Variants in CREB3L1 observed in about 807,000 individuals in gnomAD.
CREB3L1 encodes cAMP responsive element binding protein 3 like 1.
Under a neutral mutation model 54.5 loss-of-function variants are expected in CREB3L1, and 33 were observed. That is an observed-to-expected ratio of 0.61 (90% CI 0.46 to 0.81). The LOEUF (loss-of-function observed/expected upper bound fraction) is 0.81. CREB3L1 is among the 30% of genes least tolerant of loss of function. The pLI, the probability that CREB3L1 is intolerant of heterozygous loss-of-function variation, is 0.00. For synonymous variants in CREB3L1, 284 were observed against 286.4 expected (o/e 0.99, Z 0.08); for missense variants, 656 against 673.3 (o/e 0.97, Z 0.29).
chr11:46,311,842 T>C (rs1489987080), intron 5 of CREB3L1, among the ~76,000 whole-genome samples: 1 of 152,172 alleles, frequency 6.6e-6, no homozygotes, highest in South Asian at 2.1e-4. Flanking sequence ...CAGGAGACTA[T>C]TGCAGAGCCA....
Position 46,277,818 on chromosome 11 carries a change from A to C in CREB3L1, c.-294A>C. Reference sequence around the variant, plus strand: ...CCTCAGCCCCAACCCCGGGCTCCCCATGGAAGCCAGCTGTGCCCCAGGAGG... The same window carrying C: ...CCTCAGCCCCAACCCCGGGCTCCCCCTGGAAGCCAGCTGTGCCCCAGGAGG... On this transcript the variant is annotated 5_prime_UTR_variant, in exon 1 of 12. An upstream start codon of the reference 5' UTR is lost. Coordinates refer to ENST00000621158, the MANE Select transcript of CREB3L1 (RefSeq NM_052854.4). 2 of 303,048 alleles carry C rather than the reference A, an allele frequency of 6.6e-6. No homozygotes were observed. The highest frequency in any genetic ancestry group is 6.1e-6 in the Non-Finnish European group (1 of 164,672). 18.8% of individuals were successfully genotyped at this position (303,048 alleles called of 1,614,324 possible). A position where few individuals can be genotyped will look rare whatever the true frequency, so the allele number is the denominator to read the frequency against.
At chr11:46,316,494 G>A (rs1008825780) in intron 9 of CREB3L1, 109 bp downstream of exon 9, 11 of 716,442 alleles carry the variant, frequency 1.5e-5, no homozygotes, top group Non-Finnish European at 2.4e-5. Flanking sequence ...CGTGGGCAGC[G>A]TCCCAGGGTA....
rs142793627 is a variant in CREB3L1 at position 46,292,791 on chromosome 11, AT to A, written c.103-7131del. Reference sequence around the variant, plus strand: ...CACCACACCTGGCTAATATTTTTAAATTTTTTTTTTTTTAGAGATGGGATCT... The same window carrying A: ...CACCACACCTGGCTAATATTTTTAAATTTTTTTTTTTTAGAGATGGGATCT... On this transcript the variant is annotated intron_variant, in intron 1 of 11. Transcript: ENST00000621158. Among the ~76,000 whole-genome samples the A allele has an allele frequency of 4.2e-3, 621 of 146,186 alleles. 3 individuals carry two copies. Among genetic ancestry groups the A allele is most frequent in the African/African-American group, 0.012 (500 of 40,158 alleles).
intron 1 of CREB3L1, among the ~76,000 whole-genome samples, chr11:46,287,543 C>T (rs557262677): frequency 1.3e-5 from 2 of 152,134 alleles, no homozygotes; most frequent in South Asian, 2.1e-4. Context: ...TCAAGCGATC[C>T]TCCCTCCTTG....
At chr11:46,280,471 T>C (rs374046521) in intron 1 of CREB3L1, among the ~76,000 whole-genome samples, 1 of 152,188 alleles carries the variant, frequency 6.6e-6, no homozygotes, top group South Asian at 2.1e-4. Flanking sequence ...ATTACAGGCT[T>C]GAGCCACTGC....
chr11:46,304,055 A>C (rs1044797284), intron 2 of CREB3L1, among the ~76,000 whole-genome samples: 2 of 152,154 alleles, frequency 1.3e-5, no homozygotes, highest in African/African-American at 4.8e-5. Flanking sequence ...GTAACAATGA[A>C]CAGTGTTCTT....
chr11:46,286,742 A>G (rs1590338617), intron 1 of CREB3L1, among the ~76,000 whole-genome samples: 1 of 152,072 alleles, frequency 6.6e-6, no homozygotes, highest in East Asian at 1.9e-4. Context: ...CCGAGATTGA[A>G]CCACTGCACT....
intron 2 of CREB3L1, among the ~76,000 whole-genome samples, chr11:46,307,132 G>T (rs1042815585): frequency 6.6e-6 from 1 of 152,026 alleles, no homozygotes; most frequent in African/African-American, 2.4e-5. Context: ...ACCTGCCTTG[G>T]CCTGTCAAAG....
chr11:46,287,410 C>G (rs1939069579), intron 1 of CREB3L1, among the ~76,000 whole-genome samples: 1 of 152,078 alleles, frequency 6.6e-6, no homozygotes, highest in South Asian at 2.1e-4. Context: ...GTGATCCTCT[C>G]ACCTCAAACC....
At chr11:46,306,879 CTT>C (rs557941973) in intron 2 of CREB3L1, among the ~76,000 whole-genome samples, 10 of 141,510 alleles carry the variant, frequency 7.1e-5, no homozygotes, top group African/African-American at 1.0e-4. Flanking sequence ...AATTCTCTCT[CTT>C]TTTTTTTTTT....
At chr11:46,312,500 A>G in intron 6 of CREB3L1, 26 bp downstream of exon 6, 6 of 1,611,064 alleles carry the variant, frequency 3.7e-6, no homozygotes, top group Non-Finnish European at 5.1e-6. Flanking sequence ...CTGGGGCTTC[A>G]GAGGGCTTCC....
rs768901290 is a variant in CREB3L1 at position 46,300,126 on chromosome 11, C to T, written c.294C>T (p.Ser98=). The T allele has an allele frequency of 6.2e-7, 1 of 1,613,462 alleles. No individual in the cohort carries two copies. The highest frequency in any genetic ancestry group is 2.2e-5 in the East Asian group (1 of 44,866). ...YSLSGDSAPQ[S]PLVPIKMEDT... is the part of the protein sequence containing the mutation. ...TGAGCGGCGACTCAGCGCCCCAGAG[C>T]CCCCTTGTGCCCATCAAGATGGAGG... is the stretch of plus-strand genomic sequence containing the variant. The change falls in exon 2 of 12, where the codon AGC becomes AGT. Residue 98 remains serine, a synonymous_variant. Coordinates refer to ENST00000621158, the MANE Select transcript of CREB3L1 (RefSeq NM_052854.4).
At chr11:46,311,769 T>G (rs1489380133) in intron 5 of CREB3L1, among the ~76,000 whole-genome samples, 1 of 152,234 alleles carries the variant, frequency 6.6e-6, no homozygotes, top group Non-Finnish European at 1.5e-5. Flanking sequence ...GGGCTGGGAT[T>G]ACAGGCGTGA....
At chr11:46,316,245 C>A in intron 8 of CREB3L1, 41 bp from the exon 9 acceptor site, 2 of 1,315,072 alleles carry the variant, frequency 1.5e-6, no homozygotes, top group Non-Finnish European at 2.1e-6. Flanking sequence ...GAGATGCCTG[C>A]GGGGTCAAAG....
intron 1 of CREB3L1, among the ~76,000 whole-genome samples, chr11:46,284,161 A>T (rs1273645151): frequency 6.6e-6 from 1 of 152,054 alleles, no homozygotes; most frequent in African/African-American, 2.4e-5. Flanking sequence ...AACACACTTG[A>T]CCCTCCAGTC....
intron 2 of CREB3L1, among the ~76,000 whole-genome samples, chr11:46,306,377 G>T (rs892151057): frequency 6.6e-6 from 1 of 152,066 alleles, no homozygotes. Context: ...GGTGGCATGC[G>T]CCTGTAGTCC....
At chr11:46,304,388 G>C (rs1939347348) in intron 2 of CREB3L1, among the ~76,000 whole-genome samples, 2 of 152,120 alleles carry the variant, frequency 1.3e-5, no homozygotes, top group Non-Finnish European at 2.9e-5. Context: ...AGTAGAATCG[G>C]TGAACCCGGG....
intron 8 of CREB3L1, chr11:46,315,322 CA>C: frequency 4.6e-6 from 1 of 216,362 alleles, no homozygotes. Context: ...ACCTGCTGTA[CA>C]TTGTGGGAAC....
At chr11:46,279,856 G>A (rs967511053) in intron 1 of CREB3L1, among the ~76,000 whole-genome samples, 22 of 152,280 alleles carry the variant, frequency 1.4e-4, no homozygotes, top group African/African-American at 4.8e-4. Flanking sequence ...GAATGAACTC[G>A]GCCGCCCGAA....
Sources: allele counts gnomAD v4.1 joint callset (sites outside exome capture counted in the v4.1 genomes callset), GRCh38; gene constraint gnomAD v4.1.1; transcripts MANE v1.5; gene names NCBI Gene and HGNC (gene_info 2026-07-23, HGNC 2026-07-21).